Variants in AKR1C3 observed in about 807,000 individuals in gnomAD.
AKR1C3 encodes the protein 3-alpha hydroxysteroid dehydrogenase, type II.
AKR1C3 carries 48 observed loss-of-function variants against 43.6 expected under a neutral mutation model. The observed-to-expected ratio is 1.10, with a 90% CI of 0.87 to 1.40. The LOEUF (loss-of-function observed/expected upper bound fraction) is 1.40, where lower values mean the gene tolerates loss of function less well. Among genes scored for constraint, AKR1C3 ranks in the 40% most tolerant of loss-of-function variants. AKR1C3 has a pLI of 0.00. For synonymous variants in AKR1C3, 162 were observed against 139.6 expected (o/e 1.16, Z -1.13); for missense variants, 482 against 391.2 (o/e 1.23, Z -1.96).
At chr10:5,086,863 T>C (rs1838977048) in intron 1 of AKR1C3, among the ~76,000 whole-genome samples, 1 of 152,184 alleles carries the variant, frequency 6.6e-6, no homozygotes, top group Non-Finnish European at 1.5e-5. Context: ...TCTTTGTTGG[T>C]TTAAAGTCTG....
In AKR1C3 at chr10:5,075,946, T is replaced by C. The variant is rs535660435; in HGVS notation, c.85-20464T>C. Among the ~76,000 whole-genome samples, 4 of 151,362 alleles carry C rather than the reference T, an allele frequency of 2.6e-5. No homozygotes were observed. The South Asian group carries it at 8.4e-4, about 32-fold the overall frequency. ...TATTACTAGGGGGGCTCTAGAGAGA[T>C]GGAGGGGCACAGGTTGCTGGGGCTA... On this transcript the variant is annotated intron_variant, in intron 1 of 8. Transcript: ENST00000439082.
chr10:5,068,868 T>G (rs1838562948), intron 1 of AKR1C3, among the ~76,000 whole-genome samples: 1 of 152,200 alleles, frequency 6.6e-6, no homozygotes, highest in African/African-American at 2.4e-5. Flanking sequence ...AGCAGGCAAG[T>G]TAAACAAATT....
At chr10:5,050,649 TAAATG>T (rs1416735324) in intron 1 of AKR1C3, among the ~76,000 whole-genome samples, 2 of 152,210 alleles carry the variant, frequency 1.3e-5, no homozygotes, top group Non-Finnish European at 2.9e-5. Flanking sequence ...AGGAAATTAT[TAAATG>T]AAAGGAAGAA....
rs1478371443 is a variant in AKR1C3, at chr10:5,094,453, C to G, written c.9C>G (p.Ser3=). The G allele has an allele frequency of 6.2e-7, 1 of 1,611,770 alleles. No homozygotes were observed. The highest frequency in any genetic ancestry group is 8.5e-7 in the Non-Finnish European group (1 of 1,178,340). Reference sequence around the variant, plus strand: ...CAGACAAGTGACAGGGAATGGATTCCAAACACCAGTGTGTAAAGCTAAATG... The same window carrying G: ...CAGACAAGTGACAGGGAATGGATTCGAAACACCAGTGTGTAAAGCTAAATG... The part of the protein sequence containing the change: MD[S]KHQCVKLNDG... Residue 3 remains serine, a synonymous_variant, in exon 1 of 9, where the codon TCC becomes TCG. Transcript: ENST00000380554.
chr10:5,092,287 C>G (rs2131831641), upstream of AKR1C3, among the ~76,000 whole-genome samples: 1 of 151,264 alleles, frequency 6.6e-6, no homozygotes, highest in Non-Finnish European at 1.5e-5. Context: ...TATCTGAACT[C>G]CAGTTCTTTA....
chr10:5,107,190 C>CTT (rs1207216831), intron 8 of AKR1C3, among the ~76,000 whole-genome samples: 6 of 152,182 alleles, frequency 3.9e-5, no homozygotes, highest in African/African-American at 1.4e-4. Context: ...CAGAGTATCT[C>CTT]TGCTCTGCTG....
At chr10:5,084,889 G>A (rs1554782786) in intron 1 of AKR1C3, among the ~76,000 whole-genome samples, 1 of 152,138 alleles carries the variant, frequency 6.6e-6, no homozygotes, top group Non-Finnish European at 1.5e-5. Flanking sequence ...GTCTTTTATT[G>A]GTGTATAAGA....
At chr10:5,072,208 G>T (rs1444085324) in intron 1 of AKR1C3, among the ~76,000 whole-genome samples, 2 of 152,120 alleles carry the variant, frequency 1.3e-5, no homozygotes, top group Non-Finnish European at 2.9e-5. Context: ...CCAAACCCTG[G>T]CATAAGTCAA....
At chr10:5,054,516 C>T (rs1838219227) in intron 1 of AKR1C3, among the ~76,000 whole-genome samples, 1 of 152,134 alleles carries the variant, frequency 6.6e-6, no homozygotes, top group Non-Finnish European at 1.5e-5. Context: ...AGATATAGGT[C>T]AATGTTCCGC....
upstream of AKR1C3, among the ~76,000 whole-genome samples, chr10:5,090,363 G>A (rs1395825976): frequency 2.0e-5 from 3 of 152,108 alleles, no homozygotes; most frequent in Non-Finnish European, 2.9e-5. Flanking sequence ...AACCTGGGTA[G>A]TCAGTAACAC....
rs1839294311 is a variant in AKR1C3 at position 5,099,421 on chromosome 10, G to C, written c.542G>C (p.Gly181Ala). Residue 181 changes from glycine (G) to alanine (A), a missense_variant, in exon 5 of 9, where the codon GGA (glycine) becomes GCA (alanine). Physicochemically the swap from Gly to Ala is moderately conservative, Grantham distance 60. Coordinates refer to ENST00000380554, the MANE Select transcript of AKR1C3 (RefSeq NM_003739.6). ...CTGGAGATGATCCTCAACAAGCCAG[G>C]ACTCAAGTACAAGCCTGTCTGCAAC... ...RQLEMILNKP[G>A]LKYKPVCNQV... The C allele has an allele frequency of 6.2e-7, 1 of 1,614,008 alleles. No homozygotes were observed. The highest frequency in any genetic ancestry group is 8.5e-7 in the Non-Finnish European group (1 of 1,180,030).
chr10:5,071,971 A>G (rs1284094607), intron 1 of AKR1C3, among the ~76,000 whole-genome samples: 4 of 152,170 alleles, frequency 2.6e-5, no homozygotes, highest in African/African-American at 9.7e-5. Flanking sequence ...CTCTACTGCG[A>G]TGTTATGTTA....
chr10:5,055,842 C>T (rs1838249735), intron 1 of AKR1C3, among the ~76,000 whole-genome samples: 1 of 152,192 alleles, frequency 6.6e-6, no homozygotes, highest in Non-Finnish European at 1.5e-5. Flanking sequence ...GCCTGGCTAT[C>T]TTGCTGTATC....
At position 5,099,331 on chromosome 10, in the gene AKR1C3, TG is replaced by T; in HGVS notation, c.454del (p.Glu152ArgfsTer24). 1 of 1,614,092 alleles carries T rather than the reference TG, an allele frequency of 6.2e-7. No individual in the cohort carries two copies. On this transcript the variant is annotated frameshift_variant, in exon 5 of 9. Coordinates refer to ENST00000380554, the MANE Select transcript of AKR1C3 (RefSeq NM_003739.6). LOFTEE classifies it high-confidence loss of function. The stretch of plus-strand genomic sequence containing the variant: ...TCACAACCCCTTTCTCCACAGGCCA[TG>T]GAGAAGTGTAAGGATGCAGGATTGG... ...IVDLCTTWEAMEKCKDAGLAK... is the reference protein window; with the variant it reads ...IVDLCTTWEAXEKCKDAGLAK...
intron 5 of AKR1C3, chr10:5,099,757 A>C (rs879981147): frequency 1.1e-5 from 4 of 354,940 alleles, no homozygotes; most frequent in Admixed American, 8.0e-5. Context: ...AAGCTATGAA[A>C]GATGACCAGA....
intron 1 of AKR1C3, 96 bp from the exon 2 acceptor site, chr10:5,096,314 A>C: frequency 7.0e-7 from 1 of 1,436,060 alleles, no homozygotes. Context: ...TACAGACAGG[A>C]GGAAAAGCTG....
At chr10:5,084,481 C>G (rs1444327242) in intron 1 of AKR1C3, among the ~76,000 whole-genome samples, 6 of 151,734 alleles carry the variant, frequency 4.0e-5, no homozygotes, top group African/African-American at 1.5e-4. Context: ...TTACTGTAGC[C>G]TTGTAGTATA....
rs782753500 is a variant in AKR1C3 at position 5,098,857 on chromosome 10, T to G, written c.425T>G (p.Val142Gly). 17 of 1,613,472 alleles carry G rather than the reference T, an allele frequency of 1.1e-5. No homozygotes were observed. The highest frequency in any genetic ancestry group is 1.4e-5 in the Non-Finnish European group (16 of 1,179,750). The change falls in exon 4 of 9, where the codon GTG becomes GGG. Residue 142 changes from valine to glycine, a missense_variant. Physicochemically the swap from Val to Gly is moderately radical, Grantham distance 109. Coordinates refer to ENST00000380554, the MANE Select transcript of AKR1C3 (RefSeq NM_003739.6). ...DENGKVIFDI[V>G]DLCTTWEAME... ...AATGGAAAAGTAATATTTGACATAG[T>G]GGATCTCTGTACCACCTGGGAGGTG...
intron 1 of AKR1C3, among the ~76,000 whole-genome samples, chr10:5,069,866 C>T (rs1436896459): frequency 6.6e-6 from 1 of 151,454 alleles, no homozygotes; most frequent in Admixed American, 6.6e-5. Context: ...AAGAGTGAAA[C>T]TCTGTCTCAA....
Sources: allele counts gnomAD v4.1 joint callset (sites outside exome capture counted in the v4.1 genomes callset), GRCh38; gene constraint gnomAD v4.1.1; transcripts MANE v1.5; gene names NCBI Gene and HGNC (gene_info 2026-07-23, HGNC 2026-07-21).